ARHGAP15: variants seen among roughly 807,000 people sequenced by gnomAD.
ARHGAP15 encodes the protein rho GTPase-activating protein 15.
In ARHGAP15, 51 loss-of-function variants were observed where a neutral mutation model predicts 63.7. The ratio of observed to expected loss-of-function variants is 0.80; its 90% CI spans 0.64 to 1.01. The LOEUF is 1.01. Ranked by LOEUF, ARHGAP15 falls within the 50% of genes least tolerant of loss-of-function variation. ARHGAP15 has a pLI of 0.00. For synonymous variants in ARHGAP15, 191 were observed against 193.8 expected (o/e 0.99, Z 0.12); for missense variants, 560 against 564.6 (o/e 0.99, Z 0.08).
intron 5 of ARHGAP15, among the ~76,000 whole-genome samples, chr2:143,231,451 G>A (rs1406085260): frequency 6.6e-6 from 1 of 152,120 alleles, no homozygotes; most frequent in African/African-American, 2.4e-5. Context: ...TCAGAGCAAT[G>A]ACTAATACTG....
chr2:143,480,018 T>C (rs1281846428), intron 8 of ARHGAP15, among the ~76,000 whole-genome samples: 1 of 152,160 alleles, frequency 6.6e-6, no homozygotes, highest in African/African-American at 2.4e-5. Flanking sequence ...CCATTAAAAG[T>C]ACTCACTATG....
In ARHGAP15 at chr2:143,466,733, C is replaced by T. The variant is rs189331848; in HGVS notation, c.704-20640C>T. Among the ~76,000 whole-genome samples the T allele has an allele frequency of 7.2e-3, 1,088 of 152,108 alleles. 10 individuals carry two copies. Among genetic ancestry groups the T allele is most frequent in the Non-Finnish European group, 0.01 (704 of 67,944 alleles). Reference sequence around the variant, plus strand: ...TATCCTCACATCATTTTTAGACATCCAAGAAGTTTCTTTGTAAAACTCTTA... The same window carrying T: ...TATCCTCACATCATTTTTAGACATCTAAGAAGTTTCTTTGTAAAACTCTTA... On this transcript the variant is annotated intron_variant, in intron 8 of 13. Transcript: ENST00000295095.
intron 10 of ARHGAP15, 133 bp from the exon 11 acceptor site, chr2:143,556,275 A>T (rs1574629392): frequency 1.6e-6 from 1 of 609,516 alleles, no homozygotes; most frequent in African/African-American, 1.9e-5. Context: ...TGAAGATTGC[A>T]TAATTTAGAA....
At chr2:143,565,475 T>A (rs1424533898) in intron 11 of ARHGAP15, among the ~76,000 whole-genome samples, 1 of 152,212 alleles carries the variant, frequency 6.6e-6, no homozygotes, top group Non-Finnish European at 1.5e-5. Flanking sequence ...AATAAGAGAA[T>A]GATGAACATC....
rs572655236 is a variant in ARHGAP15, at chr2:143,330,841, T to C, written c.474+80241T>C. ...TGGATGTCCATAGGGAAAGTACTTA[T>C]TTGCACATTAAACATAAATAACCTA... On this transcript the variant is annotated intron_variant, in intron 6 of 13. Coordinates refer to ENST00000295095, the MANE Select transcript of ARHGAP15 (RefSeq NM_018460.4). Among the ~76,000 whole-genome samples the C allele has an allele frequency of 3.3e-5, 5 of 152,348 alleles. No homozygotes were observed. In the South Asian group the frequency reaches 1.0e-3, roughly 32 times the overall value.
At chr2:143,580,615 A>G (rs1014383680) in intron 11 of ARHGAP15, among the ~76,000 whole-genome samples, 1 of 152,024 alleles carries the variant, frequency 6.6e-6, no homozygotes, top group African/African-American at 2.4e-5. Flanking sequence ...CTTCTTTTAG[A>G]TGTATTTTTA....
intron 12 of ARHGAP15, among the ~76,000 whole-genome samples, chr2:143,661,910 G>C (rs1313343009): frequency 2.0e-5 from 3 of 152,242 alleles, no homozygotes; most frequent in African/African-American, 7.2e-5. Context: ...ACCTGGCTCG[G>C]AGGGTCCTAC....
chr2:143,615,561 T>G (rs1698422145), intron 11 of ARHGAP15, among the ~76,000 whole-genome samples: 1 of 152,196 alleles, frequency 6.6e-6, no homozygotes. Flanking sequence ...AACCAGAATG[T>G]TAAGTAACTT....
chr2:143,425,848 G>T (rs1486609701), intron 6 of ARHGAP15, among the ~76,000 whole-genome samples: 1 of 152,102 alleles, frequency 6.6e-6, no homozygotes, highest in Non-Finnish European at 1.5e-5. Context: ...TCAAAATTAT[G>T]AGACACCAAA....
rs113053597 is a variant in ARHGAP15 at position 143,754,987 on chromosome 2, A to C, written c.1245-13002A>C. Reference sequence around the variant, plus strand: ...GAGGGCACAGTGTTGCTGACTGAACATTGGGGAAAGACCCAATGTACAAGG... The same window carrying C: ...GAGGGCACAGTGTTGCTGACTGAACCTTGGGGAAAGACCCAATGTACAAGG... On this transcript the variant is annotated intron_variant, in intron 13 of 13. Coordinates refer to ENST00000295095, the MANE Select transcript of ARHGAP15 (RefSeq NM_018460.4). 7.2e-3 allele frequency among the ~76,000 whole-genome samples: 1,098 copies of C among 152,304 alleles called. 10 individuals are homozygous for C. The highest frequency in any genetic ancestry group is 0.026 in the African/African-American group (1,065 of 41,564).
At chr2:143,449,802 A>AT (rs972473676) in intron 8 of ARHGAP15, among the ~76,000 whole-genome samples, 4 of 151,804 alleles carry the variant, frequency 2.6e-5, no homozygotes, top group Admixed American at 6.6e-5. Flanking sequence ...ATAAAACCTC[A>AT]TTTTTTTTCA....
rs1368096980 is a variant in ARHGAP15 at position 143,366,350 on chromosome 2, C to T, written c.475-69251C>T. On this transcript the variant is annotated intron_variant, in intron 6 of 13. Coordinates refer to ENST00000295095, the MANE Select transcript of ARHGAP15 (RefSeq NM_018460.4). ...TATCTAGTAATTTACCTAATAAGGT[C>T]TATACTTTGCTATGGACAGCTAGAT... Among the ~76,000 whole-genome samples, 3 of 152,078 alleles carry T rather than the reference C, an allele frequency of 2.0e-5. No homozygotes were observed. The South Asian group carries it at 6.2e-4, about 32-fold the overall frequency.
At chr2:143,338,541 G>A (rs986317620) in intron 6 of ARHGAP15, among the ~76,000 whole-genome samples, 2 of 152,086 alleles carry the variant, frequency 1.3e-5, no homozygotes, top group Non-Finnish European at 2.9e-5. Context: ...TTGATTACTC[G>A]ATGGGAAGTA....
At chr2:143,340,045 A>G (rs1238498887) in intron 6 of ARHGAP15, among the ~76,000 whole-genome samples, 3 of 152,196 alleles carry the variant, frequency 2.0e-5, no homozygotes, top group Non-Finnish European at 4.4e-5. Flanking sequence ...TTTGAAAACT[A>G]CAATCAGTAT....
At position 143,250,462 on chromosome 2, in the gene ARHGAP15, A is replaced by G. The variant is rs551645305; in HGVS notation, c.385-49A>G. 1.7e-5 allele frequency: 23 copies of G among 1,379,234 alleles called. 1 individual carries two copies. Among genetic ancestry groups the G allele is most frequent in the Admixed American group, 1.0e-4 (6 of 59,044 alleles). The allele number at this position is 1,379,234 out of a possible 1,614,324, so 85.4% of individuals were successfully genotyped here. A position where few individuals can be genotyped will look rare whatever the true frequency, so the allele number is the denominator to read the frequency against. ...ATAAACTCCTATTTCTCTGACATCT[A>G]TCTACAGTGTTGCATCCTCTTATTC... is the stretch of plus-strand genomic sequence containing the variant. On this transcript the variant is annotated intron_variant, in intron 5 of 13. Transcript: ENST00000295095.
chr2:143,523,710 G>T (rs893108046), intron 10 of ARHGAP15, among the ~76,000 whole-genome samples: 1 of 152,032 alleles, frequency 6.6e-6, no homozygotes, highest in African/African-American at 2.4e-5. Context: ...ATATAATTTA[G>T]ATTAGCATTC....
At chr2:143,567,556 T>C (rs114296067) in intron 11 of ARHGAP15, among the ~76,000 whole-genome samples, 1,634 of 152,182 alleles carry the variant, frequency 0.011, 28 homozygotes, top group African/African-American at 0.038. Context: ...ATGGAATACA[T>C]TGGAAAGATT....
At chr2:143,473,773 T>C (rs1172769377) in intron 8 of ARHGAP15, among the ~76,000 whole-genome samples, 1 of 152,204 alleles carries the variant, frequency 6.6e-6, no homozygotes, top group East Asian at 1.9e-4. Flanking sequence ...TTTAAACCTA[T>C]GTGTATTTTA....
intron 6 of ARHGAP15, among the ~76,000 whole-genome samples, chr2:143,417,303 C>A (rs1688732786): frequency 6.6e-6 from 1 of 152,034 alleles, no homozygotes; most frequent in South Asian, 2.1e-4. Context: ...TGGAGATATA[C>A]CACACATGCT....
Sources: allele counts gnomAD v4.1 joint callset (sites outside exome capture counted in the v4.1 genomes callset), GRCh38; gene constraint gnomAD v4.1.1; transcripts MANE v1.5; gene names NCBI Gene and HGNC (gene_info 2026-07-23, HGNC 2026-07-21).